The following KCNH7 variants were observed in gnomAD, a reference collection of about 807,000 sequenced individuals.
The protein encoded by KCNH7 is potassium voltage-gated channel subfamily H member 7.
KCNH7 carries 49 observed loss-of-function variants against 120.8 expected under a neutral mutation model. The observed-to-expected ratio is 0.41, with a 90% CI of 0.32 to 0.51. The LOEUF is 0.51. Among genes scored for constraint, KCNH7 ranks in the 20% least tolerant of loss-of-function variants. The pLI, the probability that KCNH7 is intolerant of heterozygous loss-of-function variation, is 0.38. For synonymous variants in KCNH7, 547 were observed against 516.1 expected (o/e 1.06, Z -0.81); for missense variants, 1,097 against 1,446.6 (o/e 0.76, Z 3.92).
At chr2:162,723,627 T>G (rs1420657903) in intron 2 of KCNH7, among the ~76,000 whole-genome samples, 1 of 152,226 alleles carries the variant, frequency 6.6e-6, no homozygotes, top group African/African-American at 2.4e-5. Flanking sequence ...TCACACTGTT[T>G]ATAAATCCCA....
At chr2:162,546,395 A>G (rs143848826) in intron 2 of KCNH7, among the ~76,000 whole-genome samples, 7 of 152,188 alleles carry the variant, frequency 4.6e-5, no homozygotes, top group East Asian at 1.9e-4. Flanking sequence ...TCACACCTCA[A>G]ATGTATTTAC....
chr2:162,584,901 CTTT>C (rs5835912), intron 2 of KCNH7, among the ~76,000 whole-genome samples: 6 of 126,498 alleles, frequency 4.7e-5, no homozygotes, highest in Non-Finnish European at 5.1e-5. Context: ...CAATCCCCAG[CTTT>C]TTTTTTTTTT....
intron 9 of KCNH7, among the ~76,000 whole-genome samples, chr2:162,409,558 C>T (rs1190335196): frequency 6.6e-6 from 1 of 151,626 alleles, no homozygotes; most frequent in Non-Finnish European, 1.5e-5. Context: ...AACAATGTAT[C>T]AAAAAATCTA....
At chr2:162,672,109 G>A (rs140779874) in intron 2 of KCNH7, among the ~76,000 whole-genome samples, 77 of 152,142 alleles carry the variant, frequency 5.1e-4, no homozygotes, top group African/African-American at 9.1e-4. Context: ...CGTTGTGGGA[G>A]ATTTTCCTAC....
intron 2 of KCNH7, among the ~76,000 whole-genome samples, chr2:162,576,339 G>A (rs1202876892): frequency 6.6e-6 from 1 of 151,986 alleles, no homozygotes; most frequent in African/African-American, 2.4e-5. Flanking sequence ...CACCTTTCTA[G>A]CTTTCATTTT....
At chr2:162,801,105 A>G (rs1684329986) in intron 2 of KCNH7, among the ~76,000 whole-genome samples, 1 of 151,828 alleles carries the variant, frequency 6.6e-6, no homozygotes, top group South Asian at 2.1e-4. Context: ...TAAAAGAAGA[A>G]AAAATTATTT....
intron 2 of KCNH7, among the ~76,000 whole-genome samples, chr2:162,669,586 T>C (rs1685266203): frequency 6.6e-6 from 1 of 152,050 alleles, no homozygotes; most frequent in Admixed American, 6.6e-5. Flanking sequence ...CAAATGGGAG[T>C]AATTTTTGGT....
At chr2:162,438,236 C>T (rs534279927) in intron 7 of KCNH7, among the ~76,000 whole-genome samples, 57 of 152,166 alleles carry the variant, frequency 3.7e-4, no homozygotes, top group Non-Finnish European at 6.3e-4. Context: ...GTTGTAAAGA[C>T]GGTAGAGTAA....
chr2:162,409,103 G>A (rs1192069371), intron 9 of KCNH7, among the ~76,000 whole-genome samples: 1 of 151,638 alleles, frequency 6.6e-6, no homozygotes, highest in Non-Finnish European at 1.5e-5. Flanking sequence ...TGCTGAAAAT[G>A]AAAAGAACAG....
chr2:162,527,964 C>T (rs559023995), intron 3 of KCNH7: 1 of 152,052 alleles, frequency 6.6e-6, no homozygotes, highest in South Asian at 2.1e-4. Flanking sequence ...TGTTAAAACA[C>T]AGCTTGGTGA....
At chr2:162,698,283 C>T (rs1191117209) in intron 2 of KCNH7, among the ~76,000 whole-genome samples, 1 of 152,034 alleles carries the variant, frequency 6.6e-6, no homozygotes, top group African/African-American at 2.4e-5. Flanking sequence ...ATGTTATGTA[C>T]CCTAGCATAT....
At chr2:162,592,732 G>T (rs2105936192) in intron 2 of KCNH7, among the ~76,000 whole-genome samples, 1 of 152,134 alleles carries the variant, frequency 6.6e-6, no homozygotes, top group Non-Finnish European at 1.5e-5. Flanking sequence ...TAAATATATA[G>T]TTTTTATTTA....
chr2:162,566,683 A>G (rs998968067), intron 2 of KCNH7, among the ~76,000 whole-genome samples: 1 of 152,086 alleles, frequency 6.6e-6, no homozygotes, highest in African/African-American at 2.4e-5. Flanking sequence ...TTGAAGCTAC[A>G]AAGACAAGAC....
chr2:162,742,996 G>C (rs1688191053), intron 2 of KCNH7, among the ~76,000 whole-genome samples: 1 of 152,128 alleles, frequency 6.6e-6, no homozygotes, highest in African/African-American at 2.4e-5. Flanking sequence ...ACAGGTTATG[G>C]GGACCCAGCA....
At position 162,640,932 on chromosome 2, in the gene KCNH7, C is replaced by T. The variant is rs924918072; in HGVS notation, c.308-103852G>A. On this transcript the variant is annotated intron_variant, in intron 2 of 15. Transcript: ENST00000332142. ...GGCAAATAATCACATGAAAAAAGTT[C>T]CACCTCATTAGCCATTAGGGAAGTA... Among the ~76,000 whole-genome samples, 7 of 152,044 alleles carry T rather than the reference C, an allele frequency of 4.6e-5. 1 individual carries two copies. The highest frequency in any genetic ancestry group is 1.9e-4 in the East Asian group (1 of 5,186).
At chr2:162,753,220 A>G (rs1688668800) in intron 2 of KCNH7, among the ~76,000 whole-genome samples, 1 of 151,886 alleles carries the variant, frequency 6.6e-6, no homozygotes, top group Admixed American at 6.6e-5. Flanking sequence ...TAGTTTTGAT[A>G]TTTATTATCT....
intron 3 of KCNH7, among the ~76,000 whole-genome samples, chr2:162,528,877 G>A (rs953619694): frequency 2.0e-5 from 3 of 151,976 alleles, no homozygotes; most frequent in African/African-American, 7.2e-5. Flanking sequence ...TAAGAGATGT[G>A]TTTCATAGAC....
In KCNH7 at chr2:162,688,036, T is replaced by G. The variant is rs190812476; in HGVS notation, c.307+148501A>C. Among the ~76,000 whole-genome samples, 9 of 152,288 alleles carry G rather than the reference T, an allele frequency of 5.9e-5. No individual in the cohort carries two copies. In the East Asian group the frequency reaches 1.5e-3, roughly 26 times the overall value. ...AATATTAAAGTTTTGAGAATAAAAT[T>G]AAAAATCATTATGCAATTAGGAGGC... is the stretch of plus-strand genomic sequence containing the variant. On this transcript the variant is annotated intron_variant, in intron 2 of 15. Transcript: ENST00000332142.
rs191095789 is a variant in KCNH7, at chr2:162,434,411, G to A, written c.1954+787C>T. On this transcript the variant is annotated intron_variant, in intron 8 of 15. Coordinates refer to ENST00000332142, the MANE Select transcript of KCNH7 (RefSeq NM_033272.4). ...AAGTTGAAATTATTTTTTAAAATAC[G>A]GTGAAAAAATGAAAACAAAAATCCA... 1.4e-3 allele frequency among the ~76,000 whole-genome samples: 210 copies of A among 152,038 alleles called. 1 individual carries two copies. The highest frequency in any genetic ancestry group is 1.7e-3 in the African/African-American group (69 of 41,502).
Sources: allele counts gnomAD v4.1 joint callset (sites outside exome capture counted in the v4.1 genomes callset), GRCh38; gene constraint gnomAD v4.1.1; transcripts MANE v1.5; gene names NCBI Gene and HGNC (gene_info 2026-07-23, HGNC 2026-07-21).